Variants in SIRT6 observed in about 807,000 individuals in gnomAD.
The protein encoded by SIRT6 is sirtuin 6.
Under a neutral mutation model 33.6 loss-of-function variants are expected in SIRT6, and 21 were observed. The ratio of observed to expected loss-of-function variants is 0.62; its 90% CI spans 0.44 to 0.90. SIRT6 has a LOEUF of 0.90. SIRT6 is among the 40% of genes least tolerant of loss of function. SIRT6 has a pLI of 0.00. For missense variants in SIRT6, 504 were observed against 510.6 expected (o/e 0.99, Z 0.12); for synonymous variants, 221 against 223.9 (o/e 0.99, Z 0.12).
At chr19:4,180,280 A>C (rs1967549269) in intron 2 of SIRT6, among the ~76,000 whole-genome samples, 1 of 151,588 alleles carries the variant, frequency 6.6e-6, no homozygotes, top group African/African-American at 2.4e-5. Context: ...ACGCTTGCAA[A>C]TATGAAAGAC....
chr19:4,175,238 C>T, intron 6 of SIRT6, 87 bp from the exon 7 acceptor site: 1 of 1,487,944 alleles, frequency 6.7e-7, no homozygotes, highest in Non-Finnish European at 9.0e-7. Context: ...ACACCTAGGC[C>T]ATCTGTGCTC....
intron 6 of SIRT6, chr19:4,175,409 C>A: frequency 1.6e-6 from 1 of 635,168 alleles, no homozygotes. Context: ...AGGGTGGGAC[C>A]CTGGCTCGGT....
chr19:4,175,125 C>A lies in SIRT6; in HGVS notation c.641G>T (p.Gly214Val). Residue 214 changes from glycine (G) to valine (V), a missense_variant, in exon 7 of 8, where the codon GGT becomes GTT. Physicochemically the swap from Gly to Val is moderately radical, Grantham distance 109. Coordinates refer to ENST00000337491, the MANE Select transcript of SIRT6 (RefSeq NM_016539.4). ...GCTGGGCCGGATCTGCAGCGATGTA[C>A]CCAGCGTGATGGACAGGTCGGCGTT... ...SRNADLSITLGTSLQIRPSGN... is the reference protein window; with the variant it reads ...SRNADLSITLVTSLQIRPSGN... 1 of 1,600,886 alleles carries A rather than the reference C, an allele frequency of 6.2e-7. No individual in the cohort carries two copies. Among genetic ancestry groups the A allele is most frequent in the Non-Finnish European group, 8.5e-7 (1 of 1,175,294 alleles).
chr19:4,178,637 G>A (rs1967443686), intron 3 of SIRT6, among the ~76,000 whole-genome samples: 1 of 152,044 alleles, frequency 6.6e-6, no homozygotes, highest in Non-Finnish European at 1.5e-5. Flanking sequence ...ATCACCTGAG[G>A]TCAGGAGTTC....
chr19:4,175,747 C>T lies in SIRT6; in HGVS notation c.547G>A (p.Asp183Asn). 1 of 1,584,352 alleles carries T rather than the reference C, an allele frequency of 6.3e-7. No homozygotes were observed. Among genetic ancestry groups the T allele is most frequent in the Non-Finnish European group, 8.6e-7 (1 of 1,165,192 alleles). ...GLRACRGELR[D>N]TILDWEDSLP... is the part of the protein sequence containing the mutation. ...GAGTCCTCCCAGTCTAGGATGGTGTCCCTCAGCTCTCCCCTGCAATGAGGA... is the reference window on the plus strand; with the variant it reads ...GAGTCCTCCCAGTCTAGGATGGTGTTCCTCAGCTCTCCCCTGCAATGAGGA... The change falls in exon 6 of 8, where the codon GAC becomes AAC. Residue 183 changes from aspartate (D) to asparagine (N), a missense_variant. Coordinates refer to ENST00000337491, the MANE Select transcript of SIRT6 (RefSeq NM_016539.4).
rs114436993 is a variant in SIRT6 at position 4,182,174 on chromosome 19, C to T, written c.66+300G>A. ...GTCCTGGCCCGGCTCTGGAAACCTC[C>T]CAGGCCTAATCGTTCTCCAGGTGTG... On this transcript the variant is annotated intron_variant, in intron 1 of 7. Transcript: ENST00000337491. 1.9e-3 allele frequency: 765 copies of T among 396,676 alleles called. 4 individuals carry two copies. The highest frequency in any genetic ancestry group is 0.014 in the African/African-American group (686 of 47,516). The allele number at this position is 396,676 out of a possible 1,614,324, so 24.6% of individuals were successfully genotyped here. A position where few individuals can be genotyped will look rare whatever the true frequency, so the allele number is the denominator to read the frequency against.
chr19:4,177,131 G>C lies in SIRT6; in HGVS notation c.385C>G (p.Leu129Val), dbSNP rs931498318. 3.1e-6 allele frequency: 5 copies of C among 1,613,900 alleles called. No individual in the cohort carries two copies. Among genetic ancestry groups the C allele is most frequent in the African/African-American group, 2.7e-5 (2 of 74,918 alleles). The change falls in exon 4 of 8, where the codon CTG becomes GTG. Residue 129 changes from leucine to valine, a missense_variant. Leu to Val is a conservative substitution (Grantham distance 32). Coordinates refer to ENST00000337491, the MANE Select transcript of SIRT6 (RefSeq NM_016539.4). ...AACATGTTCCCGTGGAGCTCTGCCA[G>C]TTTGTCCCTGTGGGAAGAGCAGGAA... is the stretch of plus-strand genomic sequence containing the variant. ...HVRSGFPRDK[L>V]AELHGNMFVE...
rs939666441 is a variant in SIRT6, at chr19:4,177,166, T to C, written c.378-28A>G. 5 of 1,612,614 alleles carry C rather than the reference T, an allele frequency of 3.1e-6. No homozygotes were observed. The South Asian group carries it at 3.3e-5, about 11-fold the overall frequency. ...GTGGGAAGAGCAGGAAGAGGCTTGA[T>C]GGTGGGAAAGGATCCCTGGATGCCC... On this transcript the variant is annotated intron_variant, in intron 3 of 7. Coordinates refer to ENST00000337491, the MANE Select transcript of SIRT6 (RefSeq NM_016539.4).
chr19:4,177,775 A>G (rs1181629084), intron 3 of SIRT6, among the ~76,000 whole-genome samples: 1 of 151,556 alleles, frequency 6.6e-6, no homozygotes, highest in African/African-American at 2.4e-5. Context: ...TATTTTTAGT[A>G]GAGACAGGGT....
At position 4,177,111 on chromosome 19, in the gene SIRT6, G is replaced by C; in HGVS notation, c.405C>G (p.Asn135Lys). The C allele has an allele frequency of 6.2e-7, 1 of 1,613,862 alleles. No homozygotes were observed. Among genetic ancestry groups the C allele is most frequent in the Non-Finnish European group, 8.5e-7 (1 of 1,179,868 alleles). ...ACTTGGCACATTCTTCCACAAACAT[G>C]TTCCCGTGGAGCTCTGCCAGTTTGT... Reference protein sequence around the residue: ...PRDKLAELHGNMFVEECAKCK... With the variant: ...PRDKLAELHGKMFVEECAKCK... The change falls in exon 4 of 8, where the codon AAC becomes AAG. Residue 135 changes from asparagine to lysine, a missense_variant. Physicochemically the swap from Asn to Lys is moderately conservative, Grantham distance 94 (BLOSUM62 0). Coordinates refer to ENST00000337491, the MANE Select transcript of SIRT6 (RefSeq NM_016539.4).
At position 4,174,907 on chromosome 19, in the gene SIRT6, C is replaced by T. The variant is rs201007105; in HGVS notation, c.778G>A (p.Glu260Lys). Reference sequence around the variant, plus strand: ...TGCTTCATGAGCCGGGTCATGACCTCGTCAACGTAGCCATGGATGCGGAGG... The same window carrying T: ...TGCTTCATGAGCCGGGTCATGACCTTGTCAACGTAGCCATGGATGCGGAGG... The part of the protein sequence containing the change: ...ADLRIHGYVD[E>K]VMTRLMKHLG... Residue 260 changes from glutamate to lysine, a missense_variant, in exon 8 of 8, where the codon GAG (glutamate) becomes AAG (lysine). Transcript: ENST00000337491. This position sits in a 1 kb window ranked among gnomAD's most constrained non-coding sequence, Gnocchi z 4.2. 22 of 1,604,800 alleles carry T rather than the reference C, an allele frequency of 1.4e-5. No homozygotes were observed. The highest frequency in any genetic ancestry group is 2.2e-5 in the East Asian group (1 of 44,850).
intron 1 of SIRT6, chr19:4,182,233 CT>C: frequency 2.0e-6 from 1 of 501,522 alleles, no homozygotes; most frequent in South Asian, 2.7e-5. Flanking sequence ...CTGTCGTCCC[CT>C]CTTCCTGGAA....
Position 4,182,317 on chromosome 19 carries a change from C to G in SIRT6, c.66+157G>C. 2.8e-6 allele frequency: 2 copies of G among 710,464 alleles called. 1 individual carries two copies. Among genetic ancestry groups the G allele is most frequent in the Middle Eastern group, 8.4e-4 (2 of 2,392 alleles). The allele number at this position is 710,464 out of a possible 1,614,324, so 44.0% of individuals were successfully genotyped here. ...TTGGGCGTGTTGGCGTCCCCCGGCG[C>G]GCAGGGGCGTCACTTCCCGCCCCTT... On this transcript the variant is annotated intron_variant, in intron 1 of 7. Coordinates refer to ENST00000337491, the MANE Select transcript of SIRT6 (RefSeq NM_016539.4).
Position 4,174,636 on chromosome 19 carries a change from G to A in SIRT6, c.1049C>T (p.Ala350Val). Residue 350 changes from alanine to valine, a missense_variant, in exon 8 of 8, where the codon GCC becomes GTC. Ala to Val is a moderately conservative substitution (Grantham distance 64). Transcript: ENST00000337491. This position sits in a 1 kb window ranked among gnomAD's most constrained non-coding sequence, Gnocchi z 4.2. ...CCCTGGTCAGCTGGGGACCGCCTTG[G>A]CCTTCACCCTTTTGGGGGGTCTGTG... is the stretch of plus-strand genomic sequence containing the variant. ...APHRPPKRVK[A>V]KAVPS 6.9e-7 allele frequency: 1 copy of A among 1,447,698 alleles called. No homozygotes were observed. The allele number at this position is 1,447,698 out of a possible 1,614,324, so 89.7% of individuals were successfully genotyped here. A position where few individuals can be genotyped will look rare whatever the true frequency, so the allele number is the denominator to read the frequency against.
chr19:4,178,247 G>A (rs1363477328), intron 3 of SIRT6, among the ~76,000 whole-genome samples: 5 of 151,692 alleles, frequency 3.3e-5, no homozygotes, highest in South Asian at 4.2e-4. Context: ...GGCTGGTCTC[G>A]AACTCTTGAC....
In SIRT6 at chr19:4,175,673, G is replaced by A. The variant is rs1008418523; in HGVS notation, c.614+7C>T. On this transcript the variant is annotated splice_region_variant and intron_variant, in intron 6 of 7. Transcript: ENST00000337491. Reference sequence around the variant, plus strand: ...ACCATGGGCTCCCTGGGGGTGGGGGGTCAGACCTGCTGGCCTCATCGGCGA... The same window carrying A: ...ACCATGGGCTCCCTGGGGGTGGGGGATCAGACCTGCTGGCCTCATCGGCGA... 3.3e-6 allele frequency: 5 copies of A among 1,523,156 alleles called. No homozygotes were observed. The highest frequency in any genetic ancestry group is 2.1e-5 in the Admixed American group (1 of 46,694). 94.4% of individuals were successfully genotyped at this position (1,523,156 alleles called of 1,614,324 possible). A position where few individuals can be genotyped will look rare whatever the true frequency, so the allele number is the denominator to read the frequency against.
chr19:4,176,037 G>A (rs1254723679), intron 4 of SIRT6, 100 bp from the exon 5 acceptor site: 4 of 1,033,972 alleles, frequency 3.9e-6, no homozygotes, highest in Non-Finnish European at 5.7e-6. Flanking sequence ...GGTGGGGGGT[G>A]GACAGGTGAC....
intron 6 of SIRT6, 156 bp downstream of exon 6, chr19:4,175,524 T>G (rs1967240049): frequency 5.9e-6 from 4 of 680,892 alleles, no homozygotes; most frequent in Non-Finnish European, 9.7e-6. Context: ...TGTGTGTGAG[T>G]GCGTGTGTGC....
intron 3 of SIRT6, among the ~76,000 whole-genome samples, chr19:4,177,834 C>T (rs1967395156): frequency 6.6e-6 from 1 of 152,206 alleles, no homozygotes; most frequent in African/African-American, 2.4e-5. Flanking sequence ...TTGTGATCCA[C>T]CCGCCTCGGC....
Sources: allele counts gnomAD v4.1 joint callset (sites outside exome capture counted in the v4.1 genomes callset), GRCh38; gene constraint gnomAD v4.1.1; non-coding constraint Gnocchi (gnomAD v3.1); transcripts MANE v1.5; gene names NCBI Gene and HGNC (gene_info 2026-07-23, HGNC 2026-07-21).